The following GALNTL6 variants were observed in gnomAD, a reference collection of about 807,000 sequenced individuals.
GALNTL6 encodes polypeptide N-acetylgalactosaminyltransferase-like 6.
Under a neutral mutation model 73.7 loss-of-function variants are expected in GALNTL6, and 46 were observed. The ratio of observed to expected loss-of-function variants is 0.62; its 90% CI spans 0.49 to 0.80. The LOEUF (loss-of-function observed/expected upper bound fraction) is 0.80, where lower values mean the gene tolerates loss of function less well. Among genes scored for constraint, GALNTL6 ranks in the 30% least tolerant of loss-of-function variants. The probability of loss-of-function intolerance (pLI) is 0.00; values close to 1 mark genes in which losing one functional copy is unlikely to be tolerated. For missense variants in GALNTL6, 604 were observed against 755.0 expected, an observed-to-expected ratio of 0.80 and a Z score of 2.34; for synonymous variants, 259 against 263.7, an observed-to-expected ratio of 0.98 and a Z score of 0.17.
intron 2 of GALNTL6, among the ~76,000 whole-genome samples, chr4:172,081,653 T>A (rs1731883260): frequency 6.6e-6 from 1 of 151,812 alleles, no homozygotes; most frequent in South Asian, 2.1e-4. Flanking sequence ...AATAACAAAT[T>A]TTAAAAAAAT....
At chr4:171,871,268 A>G (rs1366484308) in intron 2 of GALNTL6, among the ~76,000 whole-genome samples, 2 of 151,950 alleles carry the variant, frequency 1.3e-5, no homozygotes, top group Admixed American at 6.6e-5. Flanking sequence ...CAATGTATTA[A>G]AAAATTACAC....
chr4:172,459,429 TG>T (rs781277680), intron 5 of GALNTL6, among the ~76,000 whole-genome samples: 18 of 152,370 alleles, frequency 1.2e-4, no homozygotes, highest in Non-Finnish European at 2.6e-4. Context: ...AAATTGCCTC[TG>T]TATGCAGATG....
At position 172,241,399 on chromosome 4, in the gene GALNTL6, A is replaced by T. The variant is rs566217142; in HGVS notation, c.247+11635A>T. 3.2e-4 allele frequency among the ~76,000 whole-genome samples: 49 copies of T among 152,370 alleles called. 1 individual carries two copies. In the South Asian group the frequency reaches 3.9e-3, roughly 12 times the overall value. On this transcript the variant is annotated intron_variant, in intron 3 of 12. Coordinates refer to ENST00000506823, the MANE Select transcript of GALNTL6 (RefSeq NM_001034845.3). ...TTTCTTGAATTAAGAAAAAAAATGT[A>T]AAAGGAGCAATTGAAAGACCTTAGG... is the stretch of plus-strand genomic sequence containing the variant.
At chr4:172,196,980 G>A (rs1289858073) in intron 2 of GALNTL6, among the ~76,000 whole-genome samples, 1 of 152,162 alleles carries the variant, frequency 6.6e-6, no homozygotes, top group East Asian at 1.9e-4. Flanking sequence ...CATTCATATA[G>A]GAAGACTGTA....
intron 2 of GALNTL6, among the ~76,000 whole-genome samples, chr4:172,077,864 G>A (rs1044601711): frequency 1.1e-4 from 16 of 152,066 alleles, no homozygotes; most frequent in African/African-American, 3.4e-4. Context: ...AGACCTAGGA[G>A]GAAAAAAATG....
rs146584547 is a variant in GALNTL6, at chr4:172,476,620, C to T, written c.553+127931C>T. Among the ~76,000 whole-genome samples the T allele has an allele frequency of 7.9e-4, 120 of 152,272 alleles. 2 individuals carry two copies. In the South Asian group the frequency reaches 0.016, roughly 21 times the overall value. ...CGTCATCGTATGACCAGGTAGCACACTGTGTGTCCTGTGTATGTATCTTTC... is the reference window on the plus strand; with the variant it reads ...CGTCATCGTATGACCAGGTAGCACATTGTGTGTCCTGTGTATGTATCTTTC... On this transcript the variant is annotated intron_variant, in intron 5 of 12. Transcript: ENST00000506823.
At chr4:172,639,748 C>T (rs887125770) in intron 5 of GALNTL6, among the ~76,000 whole-genome samples, 1 of 151,998 alleles carries the variant, frequency 6.6e-6, no homozygotes, top group African/African-American at 2.4e-5. Context: ...TGAACCAGCT[C>T]CCACCATAAT....
At chr4:172,985,161 G>C (rs1044283470) in intron 10 of GALNTL6, among the ~76,000 whole-genome samples, 1 of 152,072 alleles carries the variant, frequency 6.6e-6, no homozygotes, top group African/African-American at 2.4e-5. Flanking sequence ...CTGGATTCGA[G>C]GAAGAGATTT....
At chr4:172,577,824 T>A (rs569125580) in intron 5 of GALNTL6, among the ~76,000 whole-genome samples, 57 of 152,146 alleles carry the variant, frequency 3.7e-4, no homozygotes, top group Non-Finnish European at 6.9e-4. Context: ...AGTCAGAAAA[T>A]GTCACAGTCA....
intron 2 of GALNTL6, among the ~76,000 whole-genome samples, chr4:172,069,553 A>ATGTTATATATAACATATATG (rs1731471928): frequency 5.7e-5 from 1 of 17,630 alleles, no homozygotes; most frequent in Non-Finnish European, 1.6e-4. Context: ...TAACACATAT[A>ATGTTATATATAACATATATG]TGTTATATAT....
chr4:172,107,263 A>T (rs1169872068), intron 2 of GALNTL6, among the ~76,000 whole-genome samples: 2 of 152,220 alleles, frequency 1.3e-5, no homozygotes, highest in African/African-American at 4.8e-5. Context: ...CTTCTTTACT[A>T]GAAGGTGGAG....
intron 2 of GALNTL6, among the ~76,000 whole-genome samples, chr4:171,823,987 T>G (rs1415531676): frequency 6.7e-6 from 1 of 149,922 alleles, no homozygotes; most frequent in African/African-American, 2.4e-5. Context: ...AGTCCACATA[T>G]TAATAAACTT....
intron 5 of GALNTL6, among the ~76,000 whole-genome samples, chr4:172,519,716 C>G (rs2110813636): frequency 6.6e-6 from 1 of 151,722 alleles, no homozygotes; most frequent in South Asian, 2.1e-4. Flanking sequence ...ATTTGGGTTC[C>G]TTGCCAATCT....
At chr4:172,156,540 A>T (rs1237801999) in intron 2 of GALNTL6, among the ~76,000 whole-genome samples, 25 of 125,170 alleles carry the variant, frequency 2.0e-4, no homozygotes, top group East Asian at 4.4e-4. Context: ...ATATATATAT[A>T]ATATATATAT....
intron 3 of GALNTL6, among the ~76,000 whole-genome samples, chr4:172,273,884 G>T (rs965152475): frequency 2.0e-5 from 3 of 152,248 alleles, no homozygotes; most frequent in East Asian, 3.9e-4. Flanking sequence ...CACCCAATTT[G>T]CATTTTAAGC....
chr4:172,246,088 G>A (rs1441674287), intron 3 of GALNTL6, among the ~76,000 whole-genome samples: 2 of 152,126 alleles, frequency 1.3e-5, no homozygotes, highest in African/African-American at 4.8e-5. Context: ...ATGAAACATA[G>A]ATACTATAAT....
At chr4:171,912,076 T>C (rs1328771331) in intron 2 of GALNTL6, among the ~76,000 whole-genome samples, 2 of 152,176 alleles carry the variant, frequency 1.3e-5, no homozygotes, top group Non-Finnish European at 2.9e-5. Context: ...AGCATATCTT[T>C]TTCATTAAAC....
intron 2 of GALNTL6, among the ~76,000 whole-genome samples, chr4:172,085,259 G>T (rs1381419642): frequency 6.6e-6 from 1 of 152,048 alleles, no homozygotes; most frequent in African/African-American, 2.4e-5. Flanking sequence ...AAAATACTAA[G>T]AAATGTATAA....
chr4:172,863,475 A>G (rs1471157206), intron 7 of GALNTL6, among the ~76,000 whole-genome samples: 1 of 152,140 alleles, frequency 6.6e-6, no homozygotes, highest in Non-Finnish European at 1.5e-5. Context: ...GAGTCAAAGG[A>G]GATCATTTTG....
Sources: allele counts gnomAD v4.1 joint callset (sites outside exome capture counted in the v4.1 genomes callset), GRCh38; gene constraint gnomAD v4.1.1; transcripts MANE v1.5; gene names NCBI Gene and HGNC (gene_info 2026-07-23, HGNC 2026-07-21).